HECA: variants seen among roughly 807,000 people sequenced by gnomAD.
HECA encodes the protein HECA ribonucleoprotein granule regulator, also known as headcase protein homolog.
A neutral mutation model predicts 37.6 loss-of-function variants in HECA; 13 were observed. The ratio of observed to expected loss-of-function variants is 0.35; its 90% CI spans 0.23 to 0.55. HECA has a LOEUF of 0.55. Among genes scored for constraint, HECA ranks in the 20% least tolerant of loss-of-function variants. The pLI is 0.90. For missense variants in HECA, 527 were observed against 701.9 expected, an observed-to-expected ratio of 0.75 and a Z score of 2.82; for synonymous variants, 307 against 291.5, an observed-to-expected ratio of 1.05 and a Z score of -0.54.
intron 1 of HECA, among the ~76,000 whole-genome samples, chr6:139,158,221 G>A (rs1429813183): frequency 4.6e-5 from 7 of 151,990 alleles, no homozygotes; most frequent in African/African-American, 1.4e-4. Flanking sequence ...AGTCAGCTGG[G>A]GCTGGGCTCG....
chr6:139,152,308 G>C (rs918995936), intron 1 of HECA, among the ~76,000 whole-genome samples: 6 of 152,118 alleles, frequency 3.9e-5, no homozygotes, highest in African/African-American at 1.4e-4. Context: ...AGGCTGGGTA[G>C]ACTTGTGGGT....
chr6:139,174,612 G>A, intron 3 of HECA, 73 bp downstream of exon 3: 1 of 1,550,228 alleles, frequency 6.5e-7, no homozygotes, highest in Non-Finnish European at 8.7e-7. Context: ...TAGGGAAGAT[G>A]CGTCTGGCAA....
intron 1 of HECA, among the ~76,000 whole-genome samples, chr6:139,157,806 A>G (rs1343479305): frequency 6.6e-6 from 1 of 152,168 alleles, no homozygotes; most frequent in Non-Finnish European, 1.5e-5. Context: ...GGCTTGGGAC[A>G]GGATTGAGGC....
intron 2 of HECA, chr6:139,170,491 G>A (rs1774957060): frequency 6.6e-6 from 1 of 152,216 alleles, no homozygotes; most frequent in Non-Finnish European, 1.5e-5. Flanking sequence ...GAATGCTGAT[G>A]TCAAAAGGTG....
At chr6:139,154,566 G>A (rs557596183) in intron 1 of HECA, among the ~76,000 whole-genome samples, 4 of 152,350 alleles carry the variant, frequency 2.6e-5, no homozygotes, top group South Asian at 2.1e-4. Flanking sequence ...CGGATGACCC[G>A]TGTTGCCAGT....
intron 1 of HECA, among the ~76,000 whole-genome samples, chr6:139,145,179 AT>A (rs1774568491): frequency 6.6e-6 from 1 of 152,344 alleles, no homozygotes; most frequent in African/African-American, 2.4e-5. Context: ...GTGTGTTTTA[AT>A]TTTGTATATT....
At chr6:139,136,673 C>T (rs1774450973) in intron 1 of HECA, among the ~76,000 whole-genome samples, 2 of 149,000 alleles carry the variant, frequency 1.3e-5, no homozygotes, top group Non-Finnish European at 3.0e-5. Context: ...TTTGCAATTT[C>T]GCCCAGGCTG....
intron 1 of HECA, among the ~76,000 whole-genome samples, chr6:139,160,893 G>A (rs1164139873): frequency 6.6e-6 from 1 of 152,174 alleles, no homozygotes; most frequent in Non-Finnish European, 1.5e-5. Context: ...ATGTACATGA[G>A]CTGAATAGGG....
At chr6:139,173,680 G>A (rs148000191) in intron 2 of HECA, among the ~76,000 whole-genome samples, 1 of 152,252 alleles carries the variant, frequency 6.6e-6, no homozygotes, top group East Asian at 1.9e-4. Context: ...TATTTAAACT[G>A]TGATGCTTCC....
At chr6:139,148,843 G>C (rs1215511051) in intron 1 of HECA, among the ~76,000 whole-genome samples, 2 of 151,954 alleles carry the variant, frequency 1.3e-5, no homozygotes, top group Non-Finnish European at 2.9e-5. Context: ...CACTGCTGTC[G>C]AGTCAATAGC....
intron 1 of HECA, among the ~76,000 whole-genome samples, chr6:139,165,335 C>G (rs147694635): frequency 5.6e-4 from 86 of 152,238 alleles, no homozygotes; most frequent in African/African-American, 2.1e-3. Context: ...ACCTCCTGCC[C>G]TCCTCCAGCC....
At chr6:139,147,624 A>G (rs1774600555) in intron 1 of HECA, among the ~76,000 whole-genome samples, 1 of 152,224 alleles carries the variant, frequency 6.6e-6, no homozygotes, top group Non-Finnish European at 1.5e-5. Flanking sequence ...AAGAAAAAAA[A>G]TGCTTGTCAT....
chr6:139,161,888 A>G (rs906991917), intron 1 of HECA, among the ~76,000 whole-genome samples: 3 of 152,212 alleles, frequency 2.0e-5, no homozygotes, highest in Non-Finnish European at 4.4e-5. Flanking sequence ...AAGGCCTCTA[A>G]AGGTCACAGC....
Position 139,180,477 on chromosome 6 carries a change from A to G in HECA, c.*3372A>G, listed in dbSNP as rs952902628. The G allele has an allele frequency of 6.6e-6, 1 of 152,552 alleles. No homozygotes were observed. Among genetic ancestry groups the G allele is most frequent in the Non-Finnish European group, 1.5e-5 (1 of 68,030 alleles). 9.4% of individuals were successfully genotyped at this position (152,552 alleles called of 1,614,324 possible). A position where few individuals can be genotyped will look rare whatever the true frequency, so the allele number is the denominator to read the frequency against. On this transcript the variant is annotated 3_prime_UTR_variant, in exon 4 of 4. Coordinates refer to ENST00000367658, the MANE Select transcript of HECA (RefSeq NM_016217.3). Reference sequence around the variant, plus strand: ...TGGAGGTTGGGAAGGAAGTGAGGAGAAAGTGTTCTTGTTTAGTGTTTTATT... The same window carrying G: ...TGGAGGTTGGGAAGGAAGTGAGGAGGAAGTGTTCTTGTTTAGTGTTTTATT...
intron 2 of HECA, among the ~76,000 whole-genome samples, chr6:139,173,201 G>T (rs1774999672): frequency 1.3e-5 from 2 of 152,286 alleles, no homozygotes; most frequent in Middle Eastern, 3.4e-3. Context: ...AGAAGTTCTT[G>T]TCATCCTTCC....
chr6:139,171,374 A>G (rs1193154704), intron 2 of HECA, among the ~76,000 whole-genome samples: 3 of 152,230 alleles, frequency 2.0e-5, no homozygotes, highest in Non-Finnish European at 2.9e-5. Context: ...ACATACATAA[A>G]TAGATAATGC....
chr6:139,163,352 CTTTTTTTTTTTT>C (rs60943037), intron 1 of HECA, among the ~76,000 whole-genome samples: 18 of 142,440 alleles, frequency 1.3e-4, no homozygotes, highest in Admixed American at 2.9e-4. Flanking sequence ...GTTCTCCATT[CTTTTTTTTTTTT>C]TTTTTTTTTA....
intron 2 of HECA, among the ~76,000 whole-genome samples, chr6:139,168,273 A>C (rs1774921562): frequency 6.6e-6 from 1 of 152,170 alleles, no homozygotes; most frequent in South Asian, 2.1e-4. Flanking sequence ...AGATACCACA[A>C]TTATTAGTTA....
At chr6:139,155,131 A>G (rs1359916555) in intron 1 of HECA, among the ~76,000 whole-genome samples, 3 of 152,236 alleles carry the variant, frequency 2.0e-5, no homozygotes, top group African/African-American at 7.2e-5. Context: ...CGTAGGCCAG[A>G]TGGTATACCC....
Sources: gnomAD v4.1 joint callset for allele counts (sites outside exome capture counted in the v4.1 genomes callset) on GRCh38, gnomAD v4.1.1 for gene constraint, MANE v1.5 for transcripts, NCBI Gene and HGNC (gene_info 2026-07-23, HGNC 2026-07-21) for gene names.